LRMDA: variants seen among roughly 807,000 people sequenced by gnomAD.
LRMDA encodes the protein leucine rich melanocyte differentiation associated.
LRMDA carries 18 observed loss-of-function variants against 29.8 expected under a neutral mutation model. That is an observed-to-expected ratio of 0.60 (90% CI 0.42 to 0.90). The LOEUF is 0.90. Ranked by LOEUF, LRMDA falls within the 40% of genes least tolerant of loss-of-function variation. The pLI, the probability that LRMDA is intolerant of heterozygous loss-of-function variation, is 0.00. For synonymous variants in LRMDA, 125 were observed against 109.4 expected, an observed-to-expected ratio of 1.14 and a Z score of -0.89; for missense variants, 273 against 273.9, an observed-to-expected ratio of 1.00 and a Z score of 0.02.
At chr10:75,891,732 G>A (rs1038942137) in intron 2 of LRMDA, among the ~76,000 whole-genome samples, 1 of 152,182 alleles carries the variant, frequency 6.6e-6, no homozygotes, top group Admixed American at 6.5e-5. Flanking sequence ...TCACATTCTG[G>A]ATGTTTTAGA....
Position 75,489,537 on chromosome 10 carries a change from G to A in LRMDA, c.131+51043G>A, listed in dbSNP as rs146578105. On this transcript the variant is annotated intron_variant, in intron 2 of 6. Coordinates refer to ENST00000611255, the MANE Select transcript of LRMDA (RefSeq NM_001305581.2). ...AGAGGAAGTTGGGCCCTGTATGTGA[G>A]CCATACTTTTTAATGGCTGGCAAGT... is the stretch of plus-strand genomic sequence containing the variant. Among the ~76,000 whole-genome samples the A allele has an allele frequency of 6.6e-3, 1,000 of 152,328 alleles. 9 individuals carry two copies. Among genetic ancestry groups the A allele is most frequent in the Middle Eastern group, 0.044 (13 of 294 alleles).
At chr10:75,625,899 T>G (rs985511459) in intron 2 of LRMDA, among the ~76,000 whole-genome samples, 3 of 152,086 alleles carry the variant, frequency 2.0e-5, no homozygotes, top group Non-Finnish European at 4.4e-5. Flanking sequence ...TCACCTAGGC[T>G]GCAGTGCAGT....
chr10:76,523,192 T>A (rs1843139131), intron 6 of LRMDA, among the ~76,000 whole-genome samples: 1 of 152,062 alleles, frequency 6.6e-6, no homozygotes, highest in Admixed American at 6.5e-5. Flanking sequence ...TATTCATCCT[T>A]ATGAAGAAAA....
chr10:75,579,363 C>T (rs1009019523), intron 2 of LRMDA, among the ~76,000 whole-genome samples: 4 of 152,172 alleles, frequency 2.6e-5, no homozygotes, highest in Non-Finnish European at 4.4e-5. Context: ...CCTCCCAAGA[C>T]TAAACCAGGA....
intron 6 of LRMDA, among the ~76,000 whole-genome samples, chr10:76,369,144 T>G (rs1419881258): frequency 6.6e-6 from 1 of 152,220 alleles, no homozygotes; most frequent in Non-Finnish European, 1.5e-5. Flanking sequence ...TTTATCATGC[T>G]CTTTGTTGCC....
chr10:75,546,223 C>G (rs563128633), intron 2 of LRMDA, among the ~76,000 whole-genome samples: 1 of 152,138 alleles, frequency 6.6e-6, no homozygotes, highest in Non-Finnish European at 1.5e-5. Flanking sequence ...TCTTACTGAG[C>G]TCTAGTGTTT....
At chr10:76,009,309 CA>C (rs1847730991) in intron 2 of LRMDA, among the ~76,000 whole-genome samples, 2 of 152,274 alleles carry the variant, frequency 1.3e-5, no homozygotes, top group East Asian at 3.9e-4. Flanking sequence ...CATCCCTCAT[CA>C]AATAGCAACC....
intron 2 of LRMDA, among the ~76,000 whole-genome samples, chr10:75,686,323 C>A (rs1842081231): frequency 6.6e-6 from 1 of 152,160 alleles, no homozygotes; most frequent in African/African-American, 2.4e-5. Context: ...CTTTGCCTGG[C>A]CTTCTCCTGT....
At chr10:75,886,819 G>A (rs774484777) in intron 2 of LRMDA, among the ~76,000 whole-genome samples, 1 of 152,252 alleles carries the variant, frequency 6.6e-6, no homozygotes, top group Non-Finnish European at 1.5e-5. Flanking sequence ...AGCCAGTTAA[G>A]GCTCAGAGAG....
chr10:75,979,191 A>T (rs970156433), intron 2 of LRMDA, among the ~76,000 whole-genome samples: 2 of 152,162 alleles, frequency 1.3e-5, no homozygotes, highest in African/African-American at 2.4e-5. Context: ...TATTGTTATT[A>T]TTATGGCTTA....
chr10:76,245,998 T>C (rs1340335575), intron 5 of LRMDA, among the ~76,000 whole-genome samples: 1 of 152,186 alleles, frequency 6.6e-6, no homozygotes, highest in Non-Finnish European at 1.5e-5. Context: ...ATATGCCACA[T>C]ACTAAAGACT....
intron 5 of LRMDA, among the ~76,000 whole-genome samples, chr10:76,216,655 A>C (rs772969750): frequency 1.3e-5 from 2 of 152,212 alleles, no homozygotes; most frequent in Non-Finnish European, 2.9e-5. Flanking sequence ...TCAAAATCAA[A>C]TGTTGGAGAG....
intron 6 of LRMDA, among the ~76,000 whole-genome samples, chr10:76,416,180 A>AGGCAGGACT (rs1465448304): frequency 1.3e-5 from 2 of 152,206 alleles, no homozygotes; most frequent in African/African-American, 4.8e-5. Context: ...GAACTCTACA[A>AGGCAGGACT]GGCAGGACTG....
chr10:76,110,253 G>A (rs1362418994), intron 5 of LRMDA, among the ~76,000 whole-genome samples: 1 of 152,134 alleles, frequency 6.6e-6, no homozygotes, highest in Non-Finnish European at 1.5e-5. Context: ...CTGCCACACT[G>A]CCTCAGCATT....
chr10:75,758,739 T>G (rs1422893330), intron 2 of LRMDA, among the ~76,000 whole-genome samples: 1 of 152,236 alleles, frequency 6.6e-6, no homozygotes, highest in Non-Finnish European at 1.5e-5. Flanking sequence ...AAGTGGATTC[T>G]TTTTTATTTA....
In LRMDA at chr10:75,886,998, G is replaced by A. The variant is rs186569706; in HGVS notation, c.132-149010G>A. ...GTGTGTCTCTGTTGTGGTAAGTTCT[G>A]GGCCGCTATTTGATAGATGACCTAG... On this transcript the variant is annotated intron_variant, in intron 2 of 6. Coordinates refer to ENST00000611255, the MANE Select transcript of LRMDA (RefSeq NM_001305581.2). Among the ~76,000 whole-genome samples the A allele has an allele frequency of 1.8e-3, 279 of 152,116 alleles. No homozygotes were observed. The Middle Eastern group carries it at 0.055, about 30-fold the overall frequency.
chr10:75,902,454 G>A (rs918608275), intron 2 of LRMDA, among the ~76,000 whole-genome samples: 7 of 152,104 alleles, frequency 4.6e-5, no homozygotes, highest in Non-Finnish European at 7.4e-5. Flanking sequence ...GGGGGCTCTA[G>A]TTACTTGGAT....
intron 5 of LRMDA, among the ~76,000 whole-genome samples, chr10:76,087,677 C>T (rs187196040): frequency 2.0e-5 from 3 of 152,204 alleles, no homozygotes; most frequent in East Asian, 3.9e-4. Context: ...AAGAGGGATC[C>T]GTGTCTGTTG....
intron 5 of LRMDA, among the ~76,000 whole-genome samples, chr10:76,076,070 G>A (rs915812979): frequency 2.6e-4 from 40 of 152,148 alleles, no homozygotes; most frequent in African/African-American, 4.6e-4. Context: ...TGGGCTGGGC[G>A]CGGTGGCTCA....
Sources: gnomAD v4.1 joint callset for allele counts (sites outside exome capture counted in the v4.1 genomes callset) on GRCh38, gnomAD v4.1.1 for gene constraint, MANE v1.5 for transcripts, NCBI Gene and HGNC (gene_info 2026-07-23, HGNC 2026-07-21) for gene names.